Variants in AKAP12 observed in about 807,000 individuals in gnomAD.
AKAP12 encodes A-kinase anchoring protein 12, also known as A-kinase anchor protein 12.
A neutral mutation model predicts 79.9 loss-of-function variants in AKAP12; 32 were observed. The ratio of observed to expected loss-of-function variants is 0.40; its 90% CI spans 0.30 to 0.54. AKAP12 has a LOEUF of 0.54. Ranked by LOEUF, AKAP12 falls within the 20% of genes least tolerant of loss-of-function variation. The pLI, the probability that AKAP12 is intolerant of heterozygous loss-of-function variation, is 0.48. For synonymous variants in AKAP12, 808 were observed against 857.0 expected (o/e 0.94, Z 1.00); for missense variants, 2,074 against 2,177.0 (o/e 0.95, Z 0.94).
At chr6:151,300,029 C>T (rs746054830) in intron 2 of AKAP12, among the ~76,000 whole-genome samples, 117 of 152,134 alleles carry the variant, frequency 7.7e-4, no homozygotes, top group Non-Finnish European at 1.6e-3. Context: ...AAAATTCTAT[C>T]CCTATTTCCA....
Position 151,348,759 on chromosome 6 carries a change from A to T in AKAP12, c.368A>T (p.Glu123Val). 1 of 1,604,350 alleles carries T rather than the reference A, an allele frequency of 6.2e-7. No individual in the cohort carries two copies. Among genetic ancestry groups the T allele is most frequent in the South Asian group, 1.1e-5 (1 of 90,888 alleles). Residue 123 changes from glutamate (E) to valine (V), a missense_variant, in exon 4 of 5, where the codon GAG becomes GTG. Physicochemically the swap from Glu to Val is moderately radical, Grantham distance 121. This residue lies in a region of AKAP12 where 1,428 missense variants were observed against 1,451.0 expected (regional missense o/e 0.98). Coordinates refer to ENST00000402676, the MANE Select transcript of AKAP12 (RefSeq NM_005100.4). ...GTGAGCAAAAGAGACTCCGATAAAG[A>T]GATGGCTACTAAGTCAGCGGTTGTT... ...EDVSKRDSDK[E>V]MATKSAVVHD...
chr6:151,345,079 A>G (rs1562749805), intron 3 of AKAP12, among the ~76,000 whole-genome samples: 1 of 148,598 alleles, frequency 6.7e-6, no homozygotes, highest in African/African-American at 2.5e-5. Context: ...ACTAGTTATA[A>G]TTTTTTTTTT....
chr6:151,337,590 C>T (rs1353307328), intron 3 of AKAP12, among the ~76,000 whole-genome samples: 2 of 150,834 alleles, frequency 1.3e-5, no homozygotes, highest in African/African-American at 4.9e-5. Flanking sequence ...ATACAGAGAA[C>T]ACCCATACCC....
At chr6:151,307,851 G>A (rs1267692034) in intron 3 of AKAP12, among the ~76,000 whole-genome samples, 1 of 152,078 alleles carries the variant, frequency 6.6e-6, no homozygotes, top group Non-Finnish European at 1.5e-5. Flanking sequence ...TGCAGGAAGG[G>A]TGGTGATTTT....
chr6:151,309,564 A>G (rs1052530866), intron 3 of AKAP12, among the ~76,000 whole-genome samples: 13 of 152,200 alleles, frequency 8.5e-5, no homozygotes, highest in Non-Finnish European at 1.6e-4. Flanking sequence ...CCCTCCTCCT[A>G]TAATGAAAAC....
At chr6:151,330,007 A>G (rs1047450543) in intron 3 of AKAP12, among the ~76,000 whole-genome samples, 1 of 152,178 alleles carries the variant, frequency 6.6e-6, no homozygotes, top group African/African-American at 2.4e-5. Context: ...TGTTTAAGGG[A>G]TCGTGAAACA....
chr6:151,341,635 T>G, intron 3 of AKAP12: 1 of 1,038,852 alleles, frequency 9.6e-7, no homozygotes, highest in South Asian at 2.1e-5. Flanking sequence ...GCTGTTGGGC[T>G]GCCCCTGCCG....
intron 3 of AKAP12, among the ~76,000 whole-genome samples, chr6:151,329,355 A>T (rs1487423082): frequency 6.6e-6 from 1 of 152,106 alleles, no homozygotes; most frequent in Non-Finnish European, 1.5e-5. Flanking sequence ...ACCTCAGGTG[A>T]TCCACCCGCC....
At chr6:151,340,252 T>TC (rs1224753767) in intron 3 of AKAP12, among the ~76,000 whole-genome samples, 1 of 151,022 alleles carries the variant, frequency 6.6e-6, no homozygotes, top group East Asian at 1.9e-4. Context: ...TTTTTTTTTT[T>TC]AGTGCTGAAT....
intron 2 of AKAP12, among the ~76,000 whole-genome samples, chr6:151,267,525 G>C (rs1309885437): frequency 6.6e-6 from 1 of 152,182 alleles, no homozygotes; most frequent in African/African-American, 2.4e-5. Context: ...AGAGTCCACA[G>C]AATGCCAAAC....
At chr6:151,294,103 A>C (rs1178291720) in intron 2 of AKAP12, among the ~76,000 whole-genome samples, 2 of 151,950 alleles carry the variant, frequency 1.3e-5, no homozygotes, top group Non-Finnish European at 2.9e-5. Context: ...CCTCCCGAGT[A>C]GCTGGGACTA....
intron 3 of AKAP12, among the ~76,000 whole-genome samples, chr6:151,310,749 C>G (rs1777079885): frequency 6.6e-6 from 1 of 152,184 alleles, no homozygotes; most frequent in Non-Finnish European, 1.5e-5. Flanking sequence ...GTCTGCAAAA[C>G]TCATTGCCAT....
chr6:151,296,851 G>A (rs1164603640), intron 2 of AKAP12, among the ~76,000 whole-genome samples: 3 of 152,092 alleles, frequency 2.0e-5, no homozygotes, highest in Non-Finnish European at 4.4e-5. Context: ...ATTTGATCCA[G>A]TTCCCTCACA....
chr6:151,247,431 C>T (rs943720193), intron 2 of AKAP12, among the ~76,000 whole-genome samples: 2 of 151,766 alleles, frequency 1.3e-5, no homozygotes, highest in Non-Finnish European at 2.9e-5. Flanking sequence ...AACAAAAAAA[C>T]AAAAAAACTT....
rs762556792 is a variant in AKAP12 at position 151,259,507 on chromosome 6, T to TACACACAC, written c.162+18784_162+18785insCACACACA. Among the ~76,000 whole-genome samples, 1,062 of 122,422 alleles carry TACACACAC rather than the reference T, an allele frequency of 8.7e-3. 3 individuals are homozygous for TACACACAC. The highest frequency in any genetic ancestry group is 0.018 in the African/African-American group (519 of 29,180). 80.3% of individuals were successfully genotyped at this position (122,422 alleles called of 152,430 possible). ...ATACACACACATATACATGTATATA[T>TACACACAC]ATATACACACACACACACACACACA... On this transcript the variant is annotated intron_variant, in intron 2 of 4. Transcript: ENST00000402676.
chr6:151,290,499 A>T (rs143954514), intron 2 of AKAP12, among the ~76,000 whole-genome samples: 1 of 152,246 alleles, frequency 6.6e-6, no homozygotes, highest in Non-Finnish European at 1.5e-5. Flanking sequence ...TTGACCCCTG[A>T]CAATGAGGCC....
chr6:151,251,168 G>T (rs900166793), intron 2 of AKAP12, among the ~76,000 whole-genome samples: 4 of 152,188 alleles, frequency 2.6e-5, no homozygotes, highest in African/African-American at 7.2e-5. Context: ...GGTACAAGAC[G>T]TATTGAGTTG....
chr6:151,248,564 T>C (rs1032233006), intron 2 of AKAP12, among the ~76,000 whole-genome samples: 1 of 152,194 alleles, frequency 6.6e-6, no homozygotes, highest in African/African-American at 2.4e-5. Flanking sequence ...TCACTGAGAT[T>C]GGAACTTGTG....
At chr6:151,345,895 ATG>A (rs367643775) in intron 3 of AKAP12, among the ~76,000 whole-genome samples, 2,627 of 128,812 alleles carry the variant, frequency 0.02, 85 homozygotes, top group African/African-American at 0.065. Context: ...GTGTGTGTAT[ATG>A]TGTGTGTGTG....
Sources: gnomAD v4.1 joint callset for allele counts (sites outside exome capture counted in the v4.1 genomes callset) on GRCh38, gnomAD v4.1.1 for gene constraint, gnomAD v4.1.1 regional missense constraint, MANE v1.5 for transcripts, NCBI Gene and HGNC (gene_info 2026-07-23, HGNC 2026-07-21) for gene names.